Variants in TPRG1 observed in about 807,000 individuals in gnomAD.
TPRG1 encodes the protein tumor protein p63 regulated 1.
In TPRG1, 29 loss-of-function variants were observed where a neutral mutation model predicts 29.3. The observed-to-expected ratio is 0.99, with a 90% CI of 0.74 to 1.35. The LOEUF (loss-of-function observed/expected upper bound fraction) is 1.35. Among genes scored for constraint, TPRG1 ranks in the 40% most tolerant of loss-of-function variants. The pLI, the probability that TPRG1 is intolerant of heterozygous loss-of-function variation, is 0.00. For missense variants in TPRG1, 327 were observed against 335.0 expected (o/e 0.98, Z 0.19); for synonymous variants, 130 against 116.8 (o/e 1.11, Z -0.73).
At chr3:189,035,623 TG>T in intron 4 of TPRG1, among the ~76,000 whole-genome samples, 1 of 152,166 alleles carries the variant, frequency 6.6e-6, no homozygotes, top group African/African-American at 2.4e-5. Flanking sequence ...GCAGAAGACA[TG>T]AATAGACACT....
intron 4 of TPRG1, among the ~76,000 whole-genome samples, chr3:189,042,877 T>C (rs1457387462): frequency 6.6e-6 from 1 of 152,142 alleles, no homozygotes; most frequent in Non-Finnish European, 1.5e-5. Context: ...GGTTGCGTGG[T>C]GGCTCACCAG....
chr3:189,280,420 T>C (rs756801794), intron 4 of TPRG1, among the ~76,000 whole-genome samples: 4 of 152,218 alleles, frequency 2.6e-5, no homozygotes. Context: ...GTGTCATGAA[T>C]GAGAGGAGAC....
chr3:189,130,575 A>G (rs1012111536), intron 2 of TPRG1, among the ~76,000 whole-genome samples: 2 of 152,240 alleles, frequency 1.3e-5, no homozygotes, highest in East Asian at 1.9e-4. Context: ...GAGAACACCA[A>G]TAGTCCCTTG....
At chr3:189,122,866 G>A (rs1440605161) in intron 1 of TPRG1, among the ~76,000 whole-genome samples, 5 of 152,248 alleles carry the variant, frequency 3.3e-5, no homozygotes, top group South Asian at 2.1e-4. Flanking sequence ...ATTGAGGCCC[G>A]GAGGAACTAA....
intron 4 of TPRG1, among the ~76,000 whole-genome samples, chr3:189,249,039 C>T (rs1741770005): frequency 6.6e-6 from 1 of 151,198 alleles, no homozygotes; most frequent in Non-Finnish European, 1.5e-5. Flanking sequence ...TAGAGTTCTA[C>T]ATATAGAGTT....
intron 4 of TPRG1, among the ~76,000 whole-genome samples, chr3:189,279,986 C>G (rs948062878): frequency 2.6e-5 from 4 of 152,108 alleles, no homozygotes; most frequent in Non-Finnish European, 5.9e-5. Flanking sequence ...GGGTCTTTAT[C>G]TGGAAAACCT....
chr3:189,009,858 T>C (rs1020544475), intron 3 of TPRG1, among the ~76,000 whole-genome samples: 1 of 151,874 alleles, frequency 6.6e-6, no homozygotes, highest in Non-Finnish European at 1.5e-5. Context: ...TATAGGTAAA[T>C]GTGTGCCATG....
intron 4 of TPRG1, among the ~76,000 whole-genome samples, chr3:189,255,499 G>A (rs539371420): frequency 3.9e-5 from 6 of 151,926 alleles, no homozygotes; most frequent in Admixed American, 1.3e-4. Context: ...TTTCTTGTGC[G>A]TCTACCGGGT....
At chr3:189,315,844 A>C (rs899435876) in intron 5 of TPRG1, among the ~76,000 whole-genome samples, 1 of 152,216 alleles carries the variant, frequency 6.6e-6, no homozygotes, top group Non-Finnish European at 1.5e-5. Flanking sequence ...GGGAGGAGGC[A>C]GCAAAGACTT....
intron 5 of TPRG1, among the ~76,000 whole-genome samples, chr3:189,165,074 T>G (rs1199094084): frequency 1.3e-5 from 2 of 152,194 alleles, no homozygotes; most frequent in Non-Finnish European, 2.9e-5. Flanking sequence ...AAGAACCTCT[T>G]TCATGTGTAG....
At chr3:189,230,533 T>C (rs1280518301) in intron 3 of TPRG1, among the ~76,000 whole-genome samples, 3 of 152,208 alleles carry the variant, frequency 2.0e-5, no homozygotes, top group African/African-American at 7.2e-5. Context: ...TGGCCTCCTT[T>C]CTGTCTCATG....
At chr3:189,026,264 A>G (rs1174743927) in intron 4 of TPRG1, among the ~76,000 whole-genome samples, 2 of 152,204 alleles carry the variant, frequency 1.3e-5, no homozygotes, top group Admixed American at 6.5e-5. Context: ...AGAGAGAGAC[A>G]GTGAGAAAAC....
intron 4 of TPRG1, among the ~76,000 whole-genome samples, chr3:189,262,258 G>C (rs1420837110): frequency 6.6e-6 from 1 of 151,842 alleles, no homozygotes; most frequent in Admixed American, 6.6e-5. Flanking sequence ...ATAAGTATAA[G>C]ACTTGGTAGA....
intron 1 of TPRG1, among the ~76,000 whole-genome samples, chr3:189,110,095 T>A (rs1720324294): frequency 6.6e-6 from 1 of 152,194 alleles, no homozygotes; most frequent in Non-Finnish European, 1.5e-5. Context: ...CAGGATTTTG[T>A]GTGAATATAG....
chr3:189,255,207 A>G (rs1711617979), intron 4 of TPRG1, among the ~76,000 whole-genome samples: 1 of 152,062 alleles, frequency 6.6e-6, no homozygotes, highest in Admixed American at 6.6e-5. Flanking sequence ...ATCAATACCT[A>G]GTTTATCGAG....
chr3:189,194,090 G>GTT (rs201487001), intron 1 of TPRG1, among the ~76,000 whole-genome samples: 1 of 151,060 alleles, frequency 6.6e-6, no homozygotes, highest in African/African-American at 2.4e-5. Flanking sequence ...ACCTGCTGTT[G>GTT]TTTTTTTTGC....
At chr3:189,155,616 T>C (rs1041962385) in intron 5 of TPRG1, among the ~76,000 whole-genome samples, 2 of 152,166 alleles carry the variant, frequency 1.3e-5, no homozygotes, top group African/African-American at 2.4e-5. Context: ...CATTCATCGA[T>C]AGATAAATGG....
chr3:189,040,913 C>T (rs1456440958), intron 4 of TPRG1, among the ~76,000 whole-genome samples: 1 of 152,148 alleles, frequency 6.6e-6, no homozygotes, highest in Non-Finnish European at 1.5e-5. Flanking sequence ...GGCAGCTATT[C>T]CTTAGATTGA....
At chr3:189,185,788 T>G (rs555383125) in intron 1 of TPRG1, among the ~76,000 whole-genome samples, 1 of 152,320 alleles carries the variant, frequency 6.6e-6, no homozygotes, top group East Asian at 1.9e-4. Flanking sequence ...AACATTTTAA[T>G]ATGTTACTTT....
Sources: allele counts gnomAD v4.1 joint callset (sites outside exome capture counted in the v4.1 genomes callset), GRCh38; gene constraint gnomAD v4.1.1; transcripts MANE v1.5; gene names NCBI Gene and HGNC (gene_info 2026-07-23, HGNC 2026-07-21).